Variants in ANKRD33B observed in about 807,000 individuals in gnomAD.
ANKRD33B encodes ankyrin repeat domain-containing protein 33B.
Under a neutral mutation model 21.5 loss-of-function variants are expected in ANKRD33B, and 6 were observed. The ratio of observed to expected loss-of-function variants is 0.28; its 90% CI spans 0.15 to 0.55. The LOEUF (loss-of-function observed/expected upper bound fraction) is 0.55, where lower values mean the gene tolerates loss of function less well. ANKRD33B is among the 20% of genes least tolerant of loss of function. The pLI, the probability that ANKRD33B is intolerant of heterozygous loss-of-function variation, is 0.94. For synonymous variants in ANKRD33B, 347 were observed against 342.4 expected (o/e 1.01, Z -0.15); for missense variants, 698 against 747.2 (o/e 0.93, Z 0.77).
At chr5:10,572,342 G>C (rs1338750640) in intron 1 of ANKRD33B, among the ~76,000 whole-genome samples, 5 of 152,092 alleles carry the variant, frequency 3.3e-5, no homozygotes, top group Admixed American at 6.5e-5. Context: ...CAGAATCCCA[G>C]CCCTCCCCAC....
chr5:10,608,425 AAAC>A (rs1736097906), intron 1 of ANKRD33B, among the ~76,000 whole-genome samples: 1 of 152,064 alleles, frequency 6.6e-6, no homozygotes, highest in Non-Finnish European at 1.5e-5. Context: ...CTTCCCTGCA[AAAC>A]ACAAGGCTGC....
chr5:10,610,668 T>C (rs1243713289), intron 1 of ANKRD33B, among the ~76,000 whole-genome samples: 2 of 152,356 alleles, frequency 1.3e-5, no homozygotes, highest in Non-Finnish European at 2.9e-5. Flanking sequence ...CGTCCAGCAC[T>C]GCGTGAATAA....
At chr5:10,571,355 C>G (rs376108800) in intron 1 of ANKRD33B, among the ~76,000 whole-genome samples, 2 of 152,150 alleles carry the variant, frequency 1.3e-5, no homozygotes, top group Admixed American at 1.3e-4. Context: ...GCATGCGTCA[C>G]GATGCCCAGC....
chr5:10,624,057 C>T (rs1736484877), intron 2 of ANKRD33B, among the ~76,000 whole-genome samples: 1 of 151,732 alleles, frequency 6.6e-6, no homozygotes, highest in Non-Finnish European at 1.5e-5. Context: ...TCTGCCTTTT[C>T]AATTTAAATA....
chr5:10,626,101 C>T (rs142643246), intron 2 of ANKRD33B, among the ~76,000 whole-genome samples: 126 of 152,348 alleles, frequency 8.3e-4, no homozygotes, highest in Non-Finnish European at 1.3e-3. Flanking sequence ...GGCCTAGAAC[C>T]GCAGCCAGGG....
chr5:10,594,654 T>C (rs766836858), intron 1 of ANKRD33B, among the ~76,000 whole-genome samples: 8 of 151,948 alleles, frequency 5.3e-5, no homozygotes, highest in South Asian at 2.1e-4. Flanking sequence ...CCTCAGAGGG[T>C]ATTTGATTCA....
chr5:10,564,760 T>C lies in ANKRD33B; in HGVS notation c.293T>C (p.Val98Ala). 6.5e-7 allele frequency: 1 copy of C among 1,527,684 alleles called. No homozygotes were observed. The highest frequency in any genetic ancestry group is 8.8e-7 in the Non-Finnish European group (1 of 1,141,614). The allele number at this position is 1,527,684 out of a possible 1,614,324, so 94.6% of individuals were successfully genotyped here. A position where few individuals can be genotyped will look rare whatever the true frequency, so the allele number is the denominator to read the frequency against. The stretch of plus-strand genomic sequence containing the variant: ...CTGCGCGCCGCCTGCGCCAACAACG[T>C]GGGGCTGCTGCGGACGCTGGTGCGG... ...TLLRAACANNVGLLRTLVRRG... is the reference protein window; with the variant it reads ...TLLRAACANNAGLLRTLVRRG... The change falls in exon 1 of 4, where the codon GTG becomes GCG. Residue 98 changes from valine (V) to alanine (A), a missense_variant. Val to Ala is a moderately conservative substitution (Grantham distance 64). This residue lies in a region of ANKRD33B where 148 missense variants were observed against 154.9 expected (regional missense o/e 0.96). Coordinates refer to ENST00000296657, the MANE Select transcript of ANKRD33B (RefSeq NM_001164440.2).
intron 1 of ANKRD33B, among the ~76,000 whole-genome samples, chr5:10,604,322 G>C (rs1461156660): frequency 1.3e-5 from 2 of 150,244 alleles, no homozygotes; most frequent in Non-Finnish European, 3.0e-5. Flanking sequence ...CTCCCGAGTA[G>C]CTGGGACCAC....
In ANKRD33B at chr5:10,649,259, T is replaced by G. The variant is rs910769165; in HGVS notation, c.638-7T>G. ...ACCCACTTCTGTTTGTGTTTTGCGT[T>G]TTGCAGGGGCGGATGTCCACGCGAG... On this transcript the variant is annotated splice_region_variant and splice_polypyrimidine_tract_variant and intron_variant, in intron 3 of 3. Coordinates refer to ENST00000296657, the MANE Select transcript of ANKRD33B (RefSeq NM_001164440.2). 1.7e-5 allele frequency: 26 copies of G among 1,513,442 alleles called. No individual in the cohort carries two copies. Among genetic ancestry groups the G allele is most frequent in the Non-Finnish European group, 2.3e-5 (26 of 1,131,346 alleles). The allele number at this position is 1,513,442 out of a possible 1,614,324, so 93.8% of individuals were successfully genotyped here.
intron 1 of ANKRD33B, among the ~76,000 whole-genome samples, chr5:10,605,549 G>A (rs1736029267): frequency 6.7e-6 from 1 of 150,300 alleles, no homozygotes; most frequent in Non-Finnish European, 1.5e-5. Flanking sequence ...TTTTTTTGAG[G>A]TGGAGTTTTG....
At chr5:10,638,984 C>G (rs1416534106) in intron 3 of ANKRD33B, among the ~76,000 whole-genome samples, 1 of 74,504 alleles carries the variant, frequency 1.3e-5, no homozygotes, top group East Asian at 3.5e-4. Flanking sequence ...TAGCGGGTGA[C>G]GCGGAGTTGC....
rs1737408557 is a variant in ANKRD33B at position 10,653,537 on chromosome 5, G to A, written c.*3424G>A. 6.6e-6 allele frequency: 1 copy of A among 152,366 alleles called. No homozygotes were observed. The highest frequency in any genetic ancestry group is 1.5e-5 in the Non-Finnish European group (1 of 68,072). 9.4% of individuals were successfully genotyped at this position (152,366 alleles called of 1,614,324 possible). ...GTTCATACTTAAGCAACATTATTCT[G>A]TTCGTTTCTTTTGGGTAAGGAATTC... On this transcript the variant is annotated 3_prime_UTR_variant, in exon 4 of 4. Transcript: ENST00000296657.
Position 10,576,516 on chromosome 5 carries a change from C to T in ANKRD33B, c.366+11683C>T, listed in dbSNP as rs1387548180. ...CATGATCCTGGACAAGTCCCATGAT[C>T]TTTTGATCTTTAGTTTCCTTTAGAT... On this transcript the variant is annotated intron_variant, in intron 1 of 3. Transcript: ENST00000296657. The surrounding 1 kb of genome is among the most constrained non-coding windows in gnomAD (Gnocchi z 4.1). 6.6e-6 allele frequency among the ~76,000 whole-genome samples: 1 copy of T among 152,174 alleles called. No homozygotes were observed. Among genetic ancestry groups the T allele is most frequent in the Non-Finnish European group, 1.5e-5 (1 of 68,024 alleles).
chr5:10,594,431 T>C (rs1470952595), intron 1 of ANKRD33B, among the ~76,000 whole-genome samples: 1 of 152,148 alleles, frequency 6.6e-6, no homozygotes, highest in African/African-American at 2.4e-5. Flanking sequence ...TTGGTGAGAC[T>C]GGTTTTGAAC....
rs765848388 is a variant in ANKRD33B at position 10,651,523 on chromosome 5, A to T, written c.*1410A>T. 10 of 152,366 alleles carry T rather than the reference A, an allele frequency of 6.6e-5. No homozygotes were observed. The highest frequency in any genetic ancestry group is 1.9e-4 in the East Asian group (1 of 5,342). 9.4% of individuals were successfully genotyped at this position (152,366 alleles called of 1,614,324 possible). On this transcript the variant is annotated 3_prime_UTR_variant, in exon 4 of 4. Transcript: ENST00000296657. ...GCATTCTAATTCGGCAGGGCAGGGT[A>T]TGAAAGCTGGAAACTCAGGCTGGAG...
intron 1 of ANKRD33B, among the ~76,000 whole-genome samples, chr5:10,604,231 A>C (rs1735992267): frequency 9.0e-6 from 1 of 111,366 alleles, no homozygotes. Context: ...TTTCTCTGTC[A>C]CCCGGGCTGG....
intron 1 of ANKRD33B, among the ~76,000 whole-genome samples, chr5:10,611,445 C>A (rs935547189): frequency 1.3e-5 from 2 of 152,174 alleles, no homozygotes; most frequent in Non-Finnish European, 2.9e-5. Flanking sequence ...TGTGGTTCGC[C>A]TGCTTTTCCC....
At position 10,642,057 on chromosome 5, in the gene ANKRD33B, A is replaced by G. The variant is rs75915716; in HGVS notation, c.637+3889A>G. 2.8e-3 allele frequency among the ~76,000 whole-genome samples: 427 copies of G among 152,304 alleles called. 3 individuals carry two copies. Among genetic ancestry groups the G allele is most frequent in the Middle Eastern group, 0.02 (6 of 294 alleles). ...AGATGTTTGGTAATTGACTTTTTCA[A>G]CTGAACATTTATGATGTCAGTCACA... On this transcript the variant is annotated intron_variant, in intron 3 of 3. Transcript: ENST00000296657.
chr5:10,565,498 G>C (rs1199851735), intron 1 of ANKRD33B, among the ~76,000 whole-genome samples: 1 of 152,266 alleles, frequency 6.6e-6, no homozygotes, highest in African/African-American at 2.4e-5. Flanking sequence ...ATGCCAGCCG[G>C]GGCTCCCCAG....
Sources: allele counts gnomAD v4.1 joint callset (sites outside exome capture counted in the v4.1 genomes callset), GRCh38; gene constraint gnomAD v4.1.1; regional missense constraint gnomAD v4.1.1; non-coding constraint Gnocchi (gnomAD v3.1); transcripts MANE v1.5; gene names NCBI Gene and HGNC (gene_info 2026-07-23, HGNC 2026-07-21).